NOX4: variants seen among roughly 807,000 people sequenced by gnomAD.
NOX4 encodes the protein NADPH oxidase 4, also known as kidney oxidase-1.
In NOX4, 69 loss-of-function variants were observed where a neutral mutation model predicts 87.6. That is an observed-to-expected ratio of 0.79 (90% CI 0.65 to 0.96). The LOEUF (loss-of-function observed/expected upper bound fraction) is 0.96, where lower values mean the gene tolerates loss of function less well. Among genes scored for constraint, NOX4 ranks in the 40% least tolerant of loss-of-function variants. The pLI is 0.00. For synonymous variants in NOX4, 275 were observed against 238.2 expected (o/e 1.15, Z -1.42); for missense variants, 680 against 681.5 (o/e 1.00, Z 0.02).
rs1359148355 is a variant in NOX4, at chr11:89,469,613, T to C, written c.154-17718A>G. Among the ~76,000 whole-genome samples, 2 of 152,204 alleles carry C rather than the reference T, an allele frequency of 1.3e-5. 1 individual carries two copies. The highest frequency in any genetic ancestry group is 4.1e-4 in the South Asian group (2 of 4,830). ...CTTTTTGCCCTGTTTACACTGCTAG[T>C]TCATAAAGCTGCAAGAATGGGAACC... On this transcript the variant is annotated intron_variant, in intron 2 of 17. Coordinates refer to ENST00000263317, the MANE Select transcript of NOX4 (RefSeq NM_016931.5).
At chr11:89,344,727 A>G (rs1029293823) in intron 13 of NOX4, among the ~76,000 whole-genome samples, 2 of 152,120 alleles carry the variant, frequency 1.3e-5, no homozygotes, top group African/African-American at 4.8e-5. Context: ...TATAATGCCC[A>G]TTTTGTTGCA....
At position 89,444,235 on chromosome 11, in the gene NOX4, A is replaced by G. The variant is rs1944584653; in HGVS notation, c.350-3T>C. Reference sequence around the variant, plus strand: ...CAGATGGGCAGCCACATGCACGCCTACAGAATTACACCAGGGGTAAGTTAG... The same window carrying G: ...CAGATGGGCAGCCACATGCACGCCTGCAGAATTACACCAGGGGTAAGTTAG... On this transcript the variant is annotated splice_polypyrimidine_tract_variant and splice_region_variant and intron_variant, in intron 4 of 17. Coordinates refer to ENST00000263317, the MANE Select transcript of NOX4 (RefSeq NM_016931.5). 1 of 1,611,894 alleles carries G rather than the reference A, an allele frequency of 6.2e-7. No homozygotes were observed. The highest frequency in any genetic ancestry group is 8.5e-7 in the Non-Finnish European group (1 of 1,178,192).
At chr11:89,519,165 G>T in the NOX4 span, among the ~76,000 whole-genome samples, 1 of 152,072 alleles carries the variant, frequency 6.6e-6, no homozygotes, top group Non-Finnish European at 1.5e-5. Flanking sequence ...TGTGAGAAGT[G>T]CTATGTTTGA....
At chr11:89,374,730 G>C (rs1939712006) in intron 11 of NOX4, among the ~76,000 whole-genome samples, 1 of 151,922 alleles carries the variant, frequency 6.6e-6, no homozygotes, top group Non-Finnish European at 1.5e-5. Context: ...GAAATAGGAG[G>C]AAAAAAGGCA....
intron 2 of NOX4, among the ~76,000 whole-genome samples, chr11:89,473,439 A>AC (rs59458050): frequency 0.13 from 19,012 of 151,608 alleles, 1,431 homozygotes; most frequent in South Asian, 0.23. Flanking sequence ...AGAAGCCAAA[A>AC]AGATATACTG....
chr11:89,470,831 G>C (rs939883407), intron 2 of NOX4, among the ~76,000 whole-genome samples: 1 of 152,060 alleles, frequency 6.6e-6, no homozygotes, highest in African/African-American at 2.4e-5. Flanking sequence ...CCTCAGTTTA[G>C]CTCCCAGATG....
chr11:89,436,452 T>A (rs1944085301), intron 6 of NOX4, among the ~76,000 whole-genome samples: 1 of 152,296 alleles, frequency 6.6e-6, no homozygotes, highest in East Asian at 1.9e-4. Flanking sequence ...TCCTGTGAAT[T>A]TTTTTAGTCC....
chr11:89,442,638 A>T (rs964998202), intron 5 of NOX4, among the ~76,000 whole-genome samples: 1 of 152,166 alleles, frequency 6.6e-6, no homozygotes, highest in African/African-American at 2.4e-5. Flanking sequence ...ATATCAGAAA[A>T]AAACATAATA....
intron 17 of NOX4, among the ~76,000 whole-genome samples, chr11:89,328,057 A>G (rs1170247317): frequency 8.5e-5 from 13 of 152,182 alleles, no homozygotes; most frequent in Admixed American, 6.5e-5. Context: ...GGGAAACTCC[A>G]GCAAAGATTG....
At chr11:89,554,045 G>GA in the NOX4 span, among the ~76,000 whole-genome samples, 1 of 151,358 alleles carries the variant, frequency 6.6e-6, no homozygotes, top group Non-Finnish European at 1.5e-5. Flanking sequence ...GATATTCCTG[G>GA]ATGATTAAGC....
chr11:89,422,795 A>ATTTTTT (rs147956211), intron 7 of NOX4, among the ~76,000 whole-genome samples: 2 of 110,988 alleles, frequency 1.8e-5, no homozygotes, highest in African/African-American at 3.3e-5. Flanking sequence ...CAAAGTTCTG[A>ATTTTTT]TTTTTTTTTT....
the NOX4 span, among the ~76,000 whole-genome samples, chr11:89,573,333 G>A: frequency 1.6e-4 from 24 of 152,226 alleles, no homozygotes; most frequent in Middle Eastern, 6.8e-3. Context: ...TCAGGAGATC[G>A]AGACCATCCT....
chr11:89,357,320 A>G lies in NOX4; in HGVS notation c.1136-2277T>C, dbSNP rs182424080. On this transcript the variant is annotated intron_variant, in intron 12 of 17. Transcript: ENST00000263317. Reference sequence around the variant, plus strand: ...TTACACTCTGAAGTCTAGAAATCCAAAAAAATACTCTGTGTTTTTCTCGAA... The same window carrying G: ...TTACACTCTGAAGTCTAGAAATCCAGAAAAATACTCTGTGTTTTTCTCGAA... Among the ~76,000 whole-genome samples, 223 of 152,236 alleles carry G rather than the reference A, an allele frequency of 1.5e-3. 1 individual carries two copies. Among genetic ancestry groups the G allele is most frequent in the South Asian group, 9.9e-3 (48 of 4,826 alleles).
chr11:89,332,608 A>T (rs927166538), intron 17 of NOX4, among the ~76,000 whole-genome samples: 5 of 151,944 alleles, frequency 3.3e-5, no homozygotes, highest in African/African-American at 1.2e-4. Flanking sequence ...CAGCATTCAT[A>T]GTAAACATGG....
intron 12 of NOX4, among the ~76,000 whole-genome samples, chr11:89,361,726 G>A (rs953056916): frequency 7.9e-5 from 12 of 152,086 alleles, no homozygotes; most frequent in African/African-American, 2.9e-4. Context: ...GTTTATTCCT[G>A]CTGTCCTAGC....
chr11:89,556,022 G>C, the NOX4 span, among the ~76,000 whole-genome samples: 1 of 152,112 alleles, frequency 6.6e-6, no homozygotes, highest in Non-Finnish European at 1.5e-5. Context: ...AAAAACCTTT[G>C]TGAAGATATC....
At chr11:89,456,585 T>G (rs547482553) in intron 2 of NOX4, among the ~76,000 whole-genome samples, 23 of 152,126 alleles carry the variant, frequency 1.5e-4, no homozygotes, top group Non-Finnish European at 1.2e-4. Context: ...TGTAGGGGGC[T>G]GCTGAGCACT....
the NOX4 span, among the ~76,000 whole-genome samples, chr11:89,521,022 T>A: frequency 3.3e-5 from 5 of 152,104 alleles, no homozygotes; most frequent in African/African-American, 1.2e-4. Flanking sequence ...TATGAAACAT[T>A]ACTAAAAGAA....
chr11:89,458,451 A>C (rs1309675928), intron 2 of NOX4, among the ~76,000 whole-genome samples: 1 of 152,198 alleles, frequency 6.6e-6, no homozygotes, highest in Non-Finnish European at 1.5e-5. Context: ...CAAAACCAAA[A>C]ATGGACAAAT....
Sources: allele counts gnomAD v4.1 joint callset (sites outside exome capture counted in the v4.1 genomes callset), GRCh38; gene constraint gnomAD v4.1.1; transcripts MANE v1.5; gene names NCBI Gene and HGNC (gene_info 2026-07-23, HGNC 2026-07-21).